Variants in NKAIN2 observed in about 807,000 individuals in gnomAD.
NKAIN2 encodes the protein sodium/potassium-transporting ATPase subunit beta-1-interacting protein 2.
In NKAIN2, 14 loss-of-function variants were observed where a neutral mutation model predicts 32.6. The observed-to-expected ratio is 0.43, with a 90% CI of 0.28 to 0.67. The LOEUF (loss-of-function observed/expected upper bound fraction) is 0.67, where lower values mean the gene tolerates loss of function less well. NKAIN2 is among the 30% of genes least tolerant of loss of function. NKAIN2 has a pLI of 0.17. For missense variants in NKAIN2, 198 were observed against 258.3 expected (o/e 0.77, Z 1.60); for synonymous variants, 80 against 87.2 (o/e 0.92, Z 0.46).
chr6:124,715,547 G>A (rs1156514991), intron 4 of NKAIN2, among the ~76,000 whole-genome samples: 1 of 152,166 alleles, frequency 6.6e-6, no homozygotes, highest in Non-Finnish European at 1.5e-5. Context: ...AAGCCAGGCT[G>A]GTTTGACACC....
intron 1 of NKAIN2, among the ~76,000 whole-genome samples, chr6:124,126,360 A>G (rs1582694205): frequency 6.6e-6 from 1 of 152,206 alleles, no homozygotes; most frequent in East Asian, 1.9e-4. Context: ...TTTCTTGACT[A>G]TTCAAATCTC....
intron 3 of NKAIN2, among the ~76,000 whole-genome samples, chr6:124,571,347 G>T (rs12111480): frequency 6.6e-6 from 1 of 151,942 alleles, no homozygotes; most frequent in African/African-American, 2.4e-5. Context: ...GGGGCCAGGC[G>T]TGGAATGATA....
chr6:124,427,465 GA>G, intron 3 of NKAIN2, among the ~76,000 whole-genome samples: 1 of 152,228 alleles, frequency 6.6e-6, no homozygotes, highest in South Asian at 2.1e-4. Context: ...TTAAATATAA[GA>G]AATATTATAT....
At chr6:124,544,296 T>A (rs949209682) in intron 3 of NKAIN2, among the ~76,000 whole-genome samples, 2 of 151,022 alleles carry the variant, frequency 1.3e-5, no homozygotes, top group African/African-American at 2.4e-5. Context: ...CCTCCCAACT[T>A]CTTTTCCCTC....
intron 3 of NKAIN2, among the ~76,000 whole-genome samples, chr6:124,535,443 A>G (rs982262945): frequency 1.3e-5 from 2 of 152,220 alleles, no homozygotes; most frequent in Non-Finnish European, 2.9e-5. Flanking sequence ...CTGGCCTTTA[A>G]AGCATGACAA....
chr6:124,222,984 C>T (rs143623607), intron 1 of NKAIN2, among the ~76,000 whole-genome samples: 1 of 152,024 alleles, frequency 6.6e-6, no homozygotes, highest in East Asian at 1.9e-4. Context: ...GACCCCAAGG[C>T]AGGCAGATCA....
At chr6:124,762,517 A>G (rs1261636868) in intron 4 of NKAIN2, among the ~76,000 whole-genome samples, 1 of 152,220 alleles carries the variant, frequency 6.6e-6, no homozygotes, top group Non-Finnish European at 1.5e-5. Context: ...TCATAAAAGT[A>G]TAGAATTCAA....
intron 1 of NKAIN2, among the ~76,000 whole-genome samples, chr6:123,924,340 A>G (rs766869332): frequency 2.6e-5 from 4 of 152,194 alleles, no homozygotes; most frequent in Admixed American, 6.5e-5. Context: ...AATCTCACAT[A>G]TATATGTATA....
chr6:124,630,282 A>C (rs1331040519), intron 3 of NKAIN2, among the ~76,000 whole-genome samples: 1 of 152,144 alleles, frequency 6.6e-6, no homozygotes, highest in East Asian at 1.9e-4. Context: ...GTCCTCAGTC[A>C]AAGGAAGGAT....
intron 1 of NKAIN2, among the ~76,000 whole-genome samples, chr6:123,906,338 A>G (rs966584518): frequency 2.0e-5 from 3 of 147,014 alleles, no homozygotes; most frequent in African/African-American, 7.5e-5. Context: ...GCTGGAGTAC[A>G]GTGGTGCGAT....
intron 1 of NKAIN2, among the ~76,000 whole-genome samples, chr6:124,199,245 G>A (rs1055987087): frequency 6.6e-6 from 1 of 152,144 alleles, no homozygotes; most frequent in African/African-American, 2.4e-5. Flanking sequence ...TTTTAAGAAG[G>A]AAGTAGAAGA....
intron 2 of NKAIN2, among the ~76,000 whole-genome samples, chr6:124,347,154 A>G (rs1798467180): frequency 2.6e-5 from 4 of 152,186 alleles, no homozygotes; most frequent in Admixed American, 2.0e-4. Context: ...AGAATGTTGA[A>G]TATTGGCCCC....
In NKAIN2 at chr6:124,387,680, T is replaced by C. The variant is rs117361447; in HGVS notation, c.273+32333T>C. 9.3e-3 allele frequency among the ~76,000 whole-genome samples: 1,416 copies of C among 152,194 alleles called. 11 individuals are homozygous for C. Among genetic ancestry groups the C allele is most frequent in the Non-Finnish European group, 0.015 (1,006 of 67,986 alleles). The stretch of plus-strand genomic sequence containing the variant: ...ACCAGCTAAATCTATAGACTGATGG[T>C]TTAATCTATACAAATCAGAATAAGA... On this transcript the variant is annotated intron_variant, in intron 3 of 6. Transcript: ENST00000368417.
At chr6:124,561,331 C>T (rs1323507603) in intron 3 of NKAIN2, among the ~76,000 whole-genome samples, 11 of 152,164 alleles carry the variant, frequency 7.2e-5, no homozygotes, top group African/African-American at 2.2e-4. Flanking sequence ...TCATCTCTTT[C>T]CCATGACATT....
intron 1 of NKAIN2, among the ~76,000 whole-genome samples, chr6:123,851,779 A>G (rs1466086470): frequency 1.3e-5 from 2 of 152,082 alleles, no homozygotes; most frequent in South Asian, 2.1e-4. Flanking sequence ...CCCTTTGCCT[A>G]TTTTTAAGTC....
intron 3 of NKAIN2, among the ~76,000 whole-genome samples, chr6:124,469,453 A>G (rs1776888088): frequency 6.6e-6 from 1 of 152,188 alleles, no homozygotes; most frequent in Non-Finnish European, 1.5e-5. Context: ...CAATCTGTAC[A>G]TGTTCAGGAA....
chr6:123,916,419 C>A (rs1775499690), intron 1 of NKAIN2, among the ~76,000 whole-genome samples: 1 of 151,900 alleles, frequency 6.6e-6, no homozygotes, highest in Non-Finnish European at 1.5e-5. Flanking sequence ...CATCATCATA[C>A]CTGGCTAATT....
chr6:124,034,297 A>G (rs182267701), intron 1 of NKAIN2, among the ~76,000 whole-genome samples: 25 of 151,820 alleles, frequency 1.6e-4, no homozygotes, highest in African/African-American at 5.6e-4. Context: ...CCTCCCTCTT[A>G]TGGAGTCCTC....
At chr6:124,320,953 C>A (rs1044421888) in intron 2 of NKAIN2, among the ~76,000 whole-genome samples, 1 of 152,098 alleles carries the variant, frequency 6.6e-6, no homozygotes, top group Admixed American at 6.6e-5. Flanking sequence ...GTAATTATCC[C>A]GGTGTGTCTC....
Sources: gnomAD v4.1 joint callset for allele counts (sites outside exome capture counted in the v4.1 genomes callset) on GRCh38, gnomAD v4.1.1 for gene constraint, MANE v1.5 for transcripts, NCBI Gene and HGNC (gene_info 2026-07-23, HGNC 2026-07-21) for gene names.